Variants in SELENOF observed in about 807,000 individuals in gnomAD.
SELENOF encodes the protein 15 kDa selenoprotein.
Under a neutral mutation model 20.5 loss-of-function variants are expected in SELENOF, and 16 were observed. That is an observed-to-expected ratio of 0.78 (90% CI 0.53 to 1.19). The LOEUF is 1.19. Among genes scored for constraint, SELENOF ranks in the 50% most tolerant of loss-of-function variants. The probability of loss-of-function intolerance (pLI) is 0.00; values close to 1 mark genes in which losing one functional copy is unlikely to be tolerated. For synonymous variants in SELENOF, 78 were observed against 74.5 expected (o/e 1.05, Z -0.24); for missense variants, 215 against 194.2 (o/e 1.11, Z -0.64).
chr1:86,887,397 G>T (rs1659248635), intron 2 of SELENOF, among the ~76,000 whole-genome samples: 1 of 152,096 alleles, frequency 6.6e-6, no homozygotes, highest in Admixed American at 6.5e-5. Context: ...TACCATTAAA[G>T]TGTTATTCCT....
At chr1:86,914,567 G>C (rs1042256754), upstream of SELENOF, 2 of 193,306 alleles carry the variant, frequency 1.0e-5, no homozygotes, top group Admixed American at 5.6e-5. Context: ...TCTGGTTGCC[G>C]AGCAGCGTAC....
At chr1:86,873,502 C>T (rs1658838750) in intron 3 of SELENOF, among the ~76,000 whole-genome samples, 1 of 152,078 alleles carries the variant, frequency 6.6e-6, no homozygotes, top group Non-Finnish European at 1.5e-5. Flanking sequence ...TGGTTACTGA[C>T]CATCTGAAAT....
chr1:86,891,184 A>C (rs943330009), intron 2 of SELENOF, among the ~76,000 whole-genome samples: 1 of 151,524 alleles, frequency 6.6e-6, no homozygotes, highest in East Asian at 1.9e-4. Flanking sequence ...CGAGTAGCTG[A>C]GGTTACAGGC....
At chr1:86,874,074 T>A (rs491029) in intron 3 of SELENOF, among the ~76,000 whole-genome samples, 39,174 of 150,646 alleles carry the variant, frequency 0.26, 6,260 homozygotes, top group African/African-American at 0.45. Context: ...ACTAAAGAAA[T>A]GGTGTCATAC....
chr1:86,866,434 A>G (rs1257388236), intron 4 of SELENOF, among the ~76,000 whole-genome samples: 1 of 151,356 alleles, frequency 6.6e-6, no homozygotes, highest in Non-Finnish European at 1.5e-5. Context: ...GGTAGTTGTC[A>G]CGGGCTGGCA....
At chr1:86,896,850 G>T (rs1659538392) in intron 2 of SELENOF, among the ~76,000 whole-genome samples, 1 of 152,100 alleles carries the variant, frequency 6.6e-6, no homozygotes, top group Non-Finnish European at 1.5e-5. Flanking sequence ...ATATGAAAAA[G>T]ATATTTATCA....
chr1:86,911,732 T>G (rs374288704), intron 1 of SELENOF, among the ~76,000 whole-genome samples: 1 of 152,078 alleles, frequency 6.6e-6, no homozygotes, highest in African/African-American at 2.4e-5. Flanking sequence ...TTTTAAGGCT[T>G]TAACGACTAA....
At chr1:86,898,422 T>C (rs1261894154) in intron 2 of SELENOF, among the ~76,000 whole-genome samples, 1 of 152,178 alleles carries the variant, frequency 6.6e-6, no homozygotes, top group African/African-American at 2.4e-5. Flanking sequence ...ATTCAGTTTG[T>C]TGAAAAAGTG....
intron 2 of SELENOF, among the ~76,000 whole-genome samples, chr1:86,884,382 CACACACATATATAT>C (rs1659161996): frequency 6.7e-6 from 1 of 149,822 alleles, no homozygotes; most frequent in Non-Finnish European, 1.5e-5. Flanking sequence ...CACACATATA[CACACACATATATAT>C]ACACGCACAC....
intron 2 of SELENOF, among the ~76,000 whole-genome samples, chr1:86,882,509 AAG>A (rs1247565202): frequency 6.6e-6 from 1 of 151,362 alleles, no homozygotes; most frequent in African/African-American, 2.4e-5. Flanking sequence ...AAAAAAAAAA[AAG>A]AGATGAGGAT....
intron 2 of SELENOF, among the ~76,000 whole-genome samples, chr1:86,883,092 C>T (rs1659118738): frequency 6.7e-6 from 1 of 148,726 alleles, no homozygotes; most frequent in African/African-American, 2.5e-5. Context: ...AGCTACTGCA[C>T]TCAAACCTGG....
intron 2 of SELENOF, among the ~76,000 whole-genome samples, chr1:86,897,750 A>T (rs1295099409): frequency 6.6e-6 from 1 of 152,176 alleles, no homozygotes; most frequent in Non-Finnish European, 1.5e-5. Context: ...TTTCAAAAAA[A>T]TTTTTTGAAA....
At chr1:86,867,904 A>C (rs6688624) in intron 4 of SELENOF, 149 bp downstream of exon 4, 1 of 392,690 alleles carries the variant, frequency 2.5e-6, no homozygotes, top group Non-Finnish European at 4.4e-6. Flanking sequence ...AATTTAAAAA[A>C]ATTATTTTTC....
intron 1 of SELENOF, among the ~76,000 whole-genome samples, chr1:86,909,357 C>T (rs746827739): frequency 1.1e-4 from 17 of 152,152 alleles, no homozygotes; most frequent in Non-Finnish European, 2.2e-4. Flanking sequence ...GAAGTTATAA[C>T]AGTTCAATAA....
chr1:86,871,274 T>C (rs1310401930), intron 3 of SELENOF, among the ~76,000 whole-genome samples: 1 of 152,192 alleles, frequency 6.6e-6, no homozygotes, highest in African/African-American at 2.4e-5. Context: ...ATAAAAACAA[T>C]GTCGTTAATT....
intron 2 of SELENOF, among the ~76,000 whole-genome samples, chr1:86,899,992 C>T (rs1184145454): frequency 4.6e-5 from 7 of 151,526 alleles, no homozygotes; most frequent in Admixed American, 1.3e-4. Flanking sequence ...AGACGATGGG[C>T]GGCCGGGCAG....
intron 3 of SELENOF, among the ~76,000 whole-genome samples, chr1:86,872,824 C>G (rs1557455210): frequency 6.6e-6 from 1 of 151,882 alleles, no homozygotes; most frequent in Non-Finnish European, 1.5e-5. Flanking sequence ...GGGAGGATCA[C>G]GAGGTCAGGA....
chr1:86,900,454 G>T (rs1478340616), intron 2 of SELENOF, among the ~76,000 whole-genome samples: 1 of 152,236 alleles, frequency 6.6e-6, no homozygotes, highest in Non-Finnish European at 1.5e-5. Context: ...CAGGCGTGGC[G>T]GCACGCGCCT....
chr1:86,882,399 G>A (rs1243818782), intron 2 of SELENOF, among the ~76,000 whole-genome samples: 1 of 150,084 alleles, frequency 6.7e-6, no homozygotes, highest in East Asian at 1.9e-4. Context: ...TTACCAATAA[G>A]CTAATGAAGG....
Sources: allele counts gnomAD v4.1 joint callset (sites outside exome capture counted in the v4.1 genomes callset), GRCh38; gene constraint gnomAD v4.1.1; transcripts MANE v1.5; gene names NCBI Gene and HGNC (gene_info 2026-07-23, HGNC 2026-07-21).